The following ADAMTSL1 variants were observed in gnomAD, a reference collection of about 807,000 sequenced individuals.
The protein encoded by ADAMTSL1 is ADAMTS-like protein 1.
Under a neutral mutation model 201.8 loss-of-function variants are expected in ADAMTSL1, and 126 were observed. The observed-to-expected ratio is 0.62, with a 90% CI of 0.54 to 0.72. The LOEUF (loss-of-function observed/expected upper bound fraction) is 0.72, where lower values mean the gene tolerates loss of function less well. Ranked by LOEUF, ADAMTSL1 falls within the 30% of genes least tolerant of loss-of-function variation. The pLI, the probability that ADAMTSL1 is intolerant of heterozygous loss-of-function variation, is 0.00. For synonymous variants in ADAMTSL1, 1,121 were observed against 903.4 expected, an observed-to-expected ratio of 1.24 and a Z score of -4.32; for missense variants, 2,679 against 2,277.8, an observed-to-expected ratio of 1.18 and a Z score of -3.59.
At chr9:18,332,458 T>A (rs918859538) in intron 2 of ADAMTSL1, among the ~76,000 whole-genome samples, 1 of 149,850 alleles carries the variant, frequency 6.7e-6, no homozygotes, top group African/African-American at 2.4e-5. Context: ...CCAGTTTTCC[T>A]CCTTTTTTTA....
At chr9:18,511,761 G>A (rs1383278296) in intron 2 of ADAMTSL1, among the ~76,000 whole-genome samples, 1 of 152,130 alleles carries the variant, frequency 6.6e-6, no homozygotes, top group Non-Finnish European at 1.5e-5. Context: ...ATAGGCTTTA[G>A]TTAGCATCTT....
chr9:18,815,068 C>A (rs780670379), intron 20 of ADAMTSL1, among the ~76,000 whole-genome samples: 1 of 151,946 alleles, frequency 6.6e-6, no homozygotes, highest in South Asian at 2.1e-4. Context: ...CAAATACTGG[C>A]GCAGATGTGG....
intron 1 of ADAMTSL1, among the ~76,000 whole-genome samples, chr9:17,968,482 A>G (rs1204161579): frequency 6.6e-6 from 1 of 152,142 alleles, no homozygotes; most frequent in African/African-American, 2.4e-5. Context: ...AGGCAGATGA[A>G]ATTATAACCC....
At position 18,214,318 on chromosome 9, in the gene ADAMTSL1, T is replaced by C. The variant is rs1829988503; in HGVS notation, c.207+50337T>C. ...AATTCAAATACAGTTTATTTTCAAG[T>C]AGCTTATTTGAAGTTATGTAGTGTG... On this transcript the variant is annotated intron_variant, in intron 2 of 29. Coordinates refer to the ADAMTSL1 transcript ENST00000680146. Among the ~76,000 whole-genome samples, 5 of 152,220 alleles carry C rather than the reference T, an allele frequency of 3.3e-5. No individual in the cohort carries two copies. The South Asian group carries it at 6.2e-4, about 19-fold the overall frequency.
chr9:18,539,770 G>T (rs1820013154), intron 3 of ADAMTSL1, among the ~76,000 whole-genome samples: 1 of 152,178 alleles, frequency 6.6e-6, no homozygotes, highest in Admixed American at 6.5e-5. Flanking sequence ...ATTTATGAAT[G>T]AAGTAAAATA....
At chr9:18,397,852 G>T (rs1044649064) in intron 2 of ADAMTSL1, among the ~76,000 whole-genome samples, 6 of 152,134 alleles carry the variant, frequency 3.9e-5, no homozygotes, top group Non-Finnish European at 7.4e-5. Context: ...TGGATTTCCA[G>T]ATGTCTTAAG....
At chr9:18,368,398 C>T (rs965286133) in intron 2 of ADAMTSL1, among the ~76,000 whole-genome samples, 5 of 152,176 alleles carry the variant, frequency 3.3e-5, no homozygotes, top group East Asian at 1.9e-4. Context: ...GAGATGCCTG[C>T]GGTCCATGAC....
At chr9:18,085,717 GTA>G (rs1214893505) in intron 1 of ADAMTSL1, among the ~76,000 whole-genome samples, 3 of 149,958 alleles carry the variant, frequency 2.0e-5, no homozygotes, top group African/African-American at 7.4e-5. Flanking sequence ...TACTGTGTGT[GTA>G]TATATATAGC....
intron 8 of ADAMTSL1, among the ~76,000 whole-genome samples, chr9:18,661,042 G>T (rs1181376807): frequency 4.6e-5 from 7 of 151,974 alleles, no homozygotes; most frequent in African/African-American, 1.7e-4. Flanking sequence ...GATATAAAAG[G>T]CCTAATTTTT....
chr9:18,874,266 G>A (rs1434972982), intron 23 of ADAMTSL1, among the ~76,000 whole-genome samples: 5 of 151,946 alleles, frequency 3.3e-5, no homozygotes, highest in African/African-American at 4.8e-5. Context: ...CCTCTTTACC[G>A]ATTTGGATGC....
intron 13 of ADAMTSL1, among the ~76,000 whole-genome samples, chr9:18,687,294 A>G (rs1311635308): frequency 6.6e-6 from 1 of 152,214 alleles, no homozygotes; most frequent in Non-Finnish European, 1.5e-5. Flanking sequence ...CCTTAATTCC[A>G]TCTTTTCTTA....
Position 18,094,576 on chromosome 9 carries a change from G to T in ADAMTSL1, c.88-69286G>T, listed in dbSNP as rs1267877834. 2.0e-5 allele frequency among the ~76,000 whole-genome samples: 3 copies of T among 149,848 alleles called. No individual in the cohort carries two copies. In the East Asian group the frequency reaches 6.0e-4, roughly 30 times the overall value. On this transcript the variant is annotated intron_variant, in intron 1 of 29. Coordinates refer to the ADAMTSL1 transcript ENST00000680146. ...GACTCTGCCTCATTTCATCAGGTTC[G>T]GTCAAATGCCACCTAAATCTAAGTA... is the stretch of plus-strand genomic sequence containing the variant.
chr9:18,865,505 C>G (rs1827474033), intron 23 of ADAMTSL1, among the ~76,000 whole-genome samples: 2 of 152,140 alleles, frequency 1.3e-5, no homozygotes, highest in South Asian at 4.1e-4. Flanking sequence ...AAACATATGT[C>G]AATCACACAT....
chr9:18,397,594 G>T (rs1326846235), intron 2 of ADAMTSL1, among the ~76,000 whole-genome samples: 1 of 152,006 alleles, frequency 6.6e-6, no homozygotes, highest in East Asian at 1.9e-4. Flanking sequence ...CTTCTCCCCT[G>T]ATTATTTGAA....
chr9:18,606,568 C>T (rs1042902874), intron 4 of ADAMTSL1, among the ~76,000 whole-genome samples: 2 of 152,184 alleles, frequency 1.3e-5, no homozygotes, highest in Admixed American at 1.3e-4. Context: ...ATTAGGTGAC[C>T]TAGTGTAATA....
intron 1 of ADAMTSL1, among the ~76,000 whole-genome samples, chr9:18,152,437 C>G (rs778654260): frequency 1.6e-4 from 24 of 151,880 alleles, no homozygotes; most frequent in Non-Finnish European, 2.6e-4. Context: ...AATCATCTGC[C>G]TAAAAGAGAT....
chr9:18,075,728 G>C (rs938299507), intron 1 of ADAMTSL1, among the ~76,000 whole-genome samples: 2 of 152,208 alleles, frequency 1.3e-5, no homozygotes, highest in Non-Finnish European at 2.9e-5. Flanking sequence ...CACCCTGGGA[G>C]GGCTGTGTAA....
intron 1 of ADAMTSL1, among the ~76,000 whole-genome samples, chr9:18,072,341 A>G (rs1284101996): frequency 1.3e-5 from 2 of 152,302 alleles, no homozygotes; most frequent in African/African-American, 2.4e-5. Flanking sequence ...TGGCTGTCCA[A>G]TGTGAGTCTT....
intron 25 of ADAMTSL1, chr9:18,890,934 C>A: frequency 7.8e-6 from 1 of 128,534 alleles, no homozygotes; most frequent in Non-Finnish European, 1.3e-5. Context: ...TTTACTTCTG[C>A]AAATGAAATA....
Sources: allele counts gnomAD v4.1 joint callset (sites outside exome capture counted in the v4.1 genomes callset), GRCh38; gene constraint gnomAD v4.1.1; transcripts MANE v1.5; gene names NCBI Gene and HGNC (gene_info 2026-07-23, HGNC 2026-07-21).